KCTD16: variants seen among roughly 807,000 people sequenced by gnomAD.
The protein encoded by KCTD16 is potassium channel tetramerization domain containing 16.
In KCTD16, 13 loss-of-function variants were observed where a neutral mutation model predicts 33.2. The ratio of observed to expected loss-of-function variants is 0.39; its 90% CI spans 0.25 to 0.62. KCTD16 has a LOEUF of 0.62. Ranked by LOEUF, KCTD16 falls within the 20% of genes least tolerant of loss-of-function variation. KCTD16 has a pLI of 0.50. For missense variants in KCTD16, 441 were observed against 525.1 expected, an observed-to-expected ratio of 0.84 and a Z score of 1.57; for synonymous variants, 197 against 195.3, an observed-to-expected ratio of 1.01 and a Z score of -0.07.
At position 144,414,036 on chromosome 5, in the gene KCTD16, A is replaced by G. The variant is rs143878999; in HGVS notation, c.833-59624A>G. Reference sequence around the variant, plus strand: ...CTTAAAAGTCAGTGTAAGTATCCCCAGTGGATAAATTTGCTTGGGAAACAT... The same window carrying G: ...CTTAAAAGTCAGTGTAAGTATCCCCGGTGGATAAATTTGCTTGGGAAACAT... On this transcript the variant is annotated intron_variant, in intron 3 of 3. Transcript: ENST00000512467. Among the ~76,000 whole-genome samples, 38 of 152,272 alleles carry G rather than the reference A, an allele frequency of 2.5e-4. No individual in the cohort carries two copies. The East Asian group carries it at 6.9e-3, about 28-fold the overall frequency.
intron 3 of KCTD16, among the ~76,000 whole-genome samples, chr5:144,415,190 A>G (rs895551469): frequency 6.6e-6 from 1 of 151,974 alleles, no homozygotes; most frequent in Non-Finnish European, 1.5e-5. Context: ...TAAGAAACCA[A>G]CTCCCATGAT....
intron 3 of KCTD16, among the ~76,000 whole-genome samples, chr5:144,434,866 T>G (rs1327856608): frequency 6.6e-6 from 1 of 152,126 alleles, no homozygotes; most frequent in African/African-American, 2.4e-5. Flanking sequence ...TCACTGGTCT[T>G]AATATGAATG....
At chr5:144,417,256 T>C (rs1348261448) in intron 3 of KCTD16, among the ~76,000 whole-genome samples, 1 of 152,166 alleles carries the variant, frequency 6.6e-6, no homozygotes, top group Admixed American at 6.5e-5. Flanking sequence ...CTAATTTCTT[T>C]ACCTCTTCAT....
chr5:144,186,632 T>C lies in KCTD16; in HGVS notation c.-327+12160T>C, dbSNP rs189641670. On this transcript the variant is annotated intron_variant, in intron 2 of 3. Coordinates refer to ENST00000512467, the MANE Select transcript of KCTD16 (RefSeq NM_020768.4). ...TTTGTTTAAACAAGGCCAAACTGTT[T>C]TCCAGGTATCCACATTTTCTCCTCA... Among the ~76,000 whole-genome samples, 27 of 152,278 alleles carry C rather than the reference T, an allele frequency of 1.8e-4. No homozygotes were observed. In the Middle Eastern group the frequency reaches 0.01, roughly 58 times the overall value.
chr5:144,355,199 G>A (rs530735225), intron 3 of KCTD16, among the ~76,000 whole-genome samples: 1 of 152,172 alleles, frequency 6.6e-6, no homozygotes, highest in African/African-American at 2.4e-5. Flanking sequence ...ATTTTCAGAT[G>A]ACAACAATAT....
chr5:144,333,796 C>A (rs960556245), intron 3 of KCTD16, among the ~76,000 whole-genome samples: 3 of 152,072 alleles, frequency 2.0e-5, no homozygotes, highest in Admixed American at 6.6e-5. Context: ...TGCTAATGTC[C>A]CAGTGCCCAA....
rs1313868055 is a variant in KCTD16 at position 144,478,884 on chromosome 5, A to T, written c.*4770A>T. 1 of 151,950 alleles carries T rather than the reference A, an allele frequency of 6.6e-6. No individual in the cohort carries two copies. The highest frequency in any genetic ancestry group is 2.1e-4 in the South Asian group (1 of 4,830). 9.4% of individuals were successfully genotyped at this position (151,950 alleles called of 1,614,324 possible). A position where few individuals can be genotyped will look rare whatever the true frequency, so the allele number is the denominator to read the frequency against. On this transcript the variant is annotated 3_prime_UTR_variant, in exon 4 of 4. Coordinates refer to ENST00000512467, the MANE Select transcript of KCTD16 (RefSeq NM_020768.4). ...TTTGCCATTTCATCTGCTGTCTGTC[A>T]ACCATAACCCTTTCTCCATATTGTG...
intron 3 of KCTD16, among the ~76,000 whole-genome samples, chr5:144,373,090 T>C (rs1490484538): frequency 1.3e-5 from 2 of 152,026 alleles, no homozygotes. Context: ...TGTCAAGAGT[T>C]AAAAACAACT....
intron 3 of KCTD16, among the ~76,000 whole-genome samples, chr5:144,409,752 GT>G (rs1752890845): frequency 6.6e-6 from 1 of 152,050 alleles, no homozygotes; most frequent in South Asian, 2.1e-4. Context: ...AGGAGGCAGA[GT>G]TTGCAGTGAG....
At chr5:144,348,107 T>C (rs1449141711) in intron 3 of KCTD16, among the ~76,000 whole-genome samples, 1 of 152,200 alleles carries the variant, frequency 6.6e-6, no homozygotes, top group Non-Finnish European at 1.5e-5. Context: ...CACATTCCAA[T>C]GCCTGTAACT....
At chr5:144,211,287 A>G (rs1753382842) in intron 3 of KCTD16, among the ~76,000 whole-genome samples, 1 of 152,192 alleles carries the variant, frequency 6.6e-6, no homozygotes, top group Admixed American at 6.6e-5. Flanking sequence ...ATGTGCCTTC[A>G]TAAGAAAACA....
intron 3 of KCTD16, among the ~76,000 whole-genome samples, chr5:144,230,379 A>G (rs531861295): frequency 1.3e-5 from 2 of 152,200 alleles, no homozygotes; most frequent in Non-Finnish European, 2.9e-5. Flanking sequence ...GGTGATAAGA[A>G]CCATATATCT....
chr5:144,376,566 G>A (rs980446017), intron 3 of KCTD16, among the ~76,000 whole-genome samples: 3 of 152,126 alleles, frequency 2.0e-5, no homozygotes, highest in African/African-American at 4.8e-5. Context: ...GTTCAAATAA[G>A]GGAAAGGACG....
intron 3 of KCTD16, among the ~76,000 whole-genome samples, chr5:144,207,783 A>G (rs1331240246): frequency 6.6e-6 from 1 of 152,212 alleles, no homozygotes; most frequent in Non-Finnish European, 1.5e-5. Flanking sequence ...TGCAAATGAT[A>G]TTGGTATATG....
intron 3 of KCTD16, among the ~76,000 whole-genome samples, chr5:144,360,613 G>A (rs1201385727): frequency 6.6e-6 from 1 of 152,044 alleles, no homozygotes; most frequent in Non-Finnish European, 1.5e-5. Flanking sequence ...TGTATTTTTA[G>A]TAGAGATGGG....
intron 3 of KCTD16, among the ~76,000 whole-genome samples, chr5:144,306,755 T>A (rs1413098599): frequency 2.0e-5 from 3 of 152,210 alleles, no homozygotes; most frequent in Non-Finnish European, 2.9e-5. Context: ...CTACCACCCC[T>A]CAGGATCTCT....
chr5:144,309,290 G>C (rs186784587), intron 3 of KCTD16, among the ~76,000 whole-genome samples: 3 of 151,930 alleles, frequency 2.0e-5, no homozygotes, highest in African/African-American at 7.2e-5. Context: ...TATGTCCTAC[G>C]ACTCCAGGAG....
chr5:144,346,442 CA>C (rs1277937260), intron 3 of KCTD16, among the ~76,000 whole-genome samples: 1 of 152,096 alleles, frequency 6.6e-6, no homozygotes, highest in Non-Finnish European at 1.5e-5. Flanking sequence ...AACTATTCTC[CA>C]AAGTGGCTGT....
intron 2 of KCTD16, among the ~76,000 whole-genome samples, chr5:144,187,487 ATGT>A (rs1752754290): frequency 6.6e-6 from 1 of 152,124 alleles, no homozygotes. Context: ...GAGAGAAAAA[ATGT>A]TGTTTATTCT....
Sources: allele counts gnomAD v4.1 joint callset (sites outside exome capture counted in the v4.1 genomes callset), GRCh38; gene constraint gnomAD v4.1.1; transcripts MANE v1.5; gene names NCBI Gene and HGNC (gene_info 2026-07-23, HGNC 2026-07-21).